RCC2: variants seen among roughly 807,000 people sequenced by gnomAD.
RCC2 encodes protein RCC2.
RCC2 carries 19 observed loss-of-function variants against 64.1 expected under a neutral mutation model. The observed-to-expected ratio is 0.30, with a 90% CI of 0.21 to 0.44. The LOEUF is 0.44. RCC2 is among the 20% of genes least tolerant of loss of function. The probability of loss-of-function intolerance (pLI) is 1.00; values close to 1 mark genes in which losing one functional copy is unlikely to be tolerated. For missense variants in RCC2, 508 were observed against 710.4 expected, an observed-to-expected ratio of 0.72 and a Z score of 3.24; for synonymous variants, 325 against 279.6, an observed-to-expected ratio of 1.16 and a Z score of -1.62.
chr1:17,411,289 C>T (rs1036018100), intron 11 of RCC2, among the ~76,000 whole-genome samples: 11 of 152,238 alleles, frequency 7.2e-5, no homozygotes, highest in South Asian at 2.1e-4. Context: ...CTCAAAGACC[C>T]GCCTTGGCCA....
intron 11 of RCC2, among the ~76,000 whole-genome samples, chr1:17,410,798 C>A (rs1354470075): frequency 1.3e-5 from 2 of 152,198 alleles, no homozygotes; most frequent in Non-Finnish European, 1.5e-5. Context: ...GCCAGGCCAA[C>A]TTCTCACCCT....
At chr1:17,432,918 A>G (rs1190381302) in intron 2 of RCC2, among the ~76,000 whole-genome samples, 1 of 152,162 alleles carries the variant, frequency 6.6e-6, no homozygotes, top group Non-Finnish European at 1.5e-5. Flanking sequence ...AGATCGCGCC[A>G]CTGCACTCCA....
Position 17,421,544 on chromosome 1 carries a change from G to A in RCC2, c.744+659C>T, listed in dbSNP as rs981000054. Among the ~76,000 whole-genome samples the A allele has an allele frequency of 2.0e-4, 30 of 151,984 alleles. 1 individual carries two copies. Among genetic ancestry groups the A allele is most frequent in the African/African-American group, 5.6e-4 (23 of 41,374 alleles). ...TCTCGTATTTGTATTCTAAGCATCTGGCTGGTGACTTTATACAAGGTCAAA... is the reference window on the plus strand; with the variant it reads ...TCTCGTATTTGTATTCTAAGCATCTAGCTGGTGACTTTATACAAGGTCAAA... On this transcript the variant is annotated intron_variant, in intron 6 of 12. Coordinates refer to ENST00000375436, the MANE Select transcript of RCC2 (RefSeq NM_018715.4).
chr1:17,409,853 G>GA, intron 12 of RCC2, 121 bp downstream of exon 12: 1 of 847,972 alleles, frequency 1.2e-6, no homozygotes, highest in Non-Finnish European at 2.0e-6. Context: ...GAGACACCAG[G>GA]AAAGCCAGCT....
At position 17,408,109 on chromosome 1, in the gene RCC2, T is replaced by C. The variant is rs2075382979; in HGVS notation, c.*981A>G. The C allele has an allele frequency of 6.6e-6, 1 of 151,902 alleles. No individual in the cohort carries two copies. Among genetic ancestry groups the C allele is most frequent in the Non-Finnish European group, 1.5e-5 (1 of 68,016 alleles). 9.4% of individuals were successfully genotyped at this position (151,902 alleles called of 1,614,324 possible). A position where few individuals can be genotyped will look rare whatever the true frequency, so the allele number is the denominator to read the frequency against. On this transcript the variant is annotated 3_prime_UTR_variant, in exon 13 of 13. Coordinates refer to ENST00000375436, the MANE Select transcript of RCC2 (RefSeq NM_018715.4). Reference sequence around the variant, plus strand: ...TGGGTCAGCAGAACGGTACCCCGAGTCTCAGCAACAGGACGGCCCGCGCGA... The same window carrying C: ...TGGGTCAGCAGAACGGTACCCCGAGCCTCAGCAACAGGACGGCCCGCGCGA...
At chr1:17,439,101 C>A (rs1329489019) in intron 1 of RCC2, among the ~76,000 whole-genome samples, 1 of 152,064 alleles carries the variant, frequency 6.6e-6, no homozygotes, top group Admixed American at 6.5e-5. Flanking sequence ...CTCTAGTTAG[C>A]CGAATCCCTA....
At chr1:17,433,462 G>T (rs2075705027) in intron 2 of RCC2, among the ~76,000 whole-genome samples, 1 of 152,252 alleles carries the variant, frequency 6.6e-6, no homozygotes, top group Non-Finnish European at 1.5e-5. Context: ...GTGGGTGTCT[G>T]AAGCTCAGTG....
chr1:17,431,499 C>CCAAA (rs1491306225), intron 2 of RCC2, among the ~76,000 whole-genome samples: 14 of 57,906 alleles, frequency 2.4e-4, no homozygotes, highest in Admixed American at 1.1e-3. Context: ...AGCCCTGTCT[C>CCAAA]AAAAAAAAAA....
intron 11 of RCC2, 67 bp downstream of exon 11, chr1:17,412,055 A>C (rs1006216004): frequency 6.5e-6 from 9 of 1,386,958 alleles, no homozygotes; most frequent in Non-Finnish European, 9.2e-6. Context: ...AGGTGGAGAG[A>C]ACCCAAAGGC....
intron 7 of RCC2, among the ~76,000 whole-genome samples, chr1:17,417,169 G>A (rs898797969): frequency 6.6e-6 from 1 of 152,166 alleles, no homozygotes; most frequent in Non-Finnish European, 1.5e-5. Context: ...TAAACGTATG[G>A]TTACGGGTGG....
intron 2 of RCC2, among the ~76,000 whole-genome samples, chr1:17,434,672 G>T (rs1021287547): frequency 6.6e-6 from 1 of 152,122 alleles, no homozygotes; most frequent in Non-Finnish European, 1.5e-5. Flanking sequence ...ACAGTCTTGG[G>T]GACTGAGCCC....
chr1:17,425,578 G>A lies in RCC2; in HGVS notation c.486C>T (p.Ser162=). 6 of 1,613,880 alleles carry A rather than the reference G, an allele frequency of 3.7e-6. No homozygotes were observed. Among genetic ancestry groups the A allele is most frequent in the Non-Finnish European group, 5.1e-6 (6 of 1,179,888 alleles). Residue 162 remains serine, a synonymous_variant, in exon 4 of 13, where the codon AGC becomes AGT. Transcript: ENST00000375436. ...TVVSGSCAAH[S]LLITTEGKLW... ...GCTTCCCTTCCGTGGTGATGAGGAG[G>A]CTGTGTGCAGCACACGAGCCCGAGA...
intron 3 of RCC2, among the ~76,000 whole-genome samples, chr1:17,428,292 C>T (rs765057356): frequency 3.9e-5 from 6 of 152,242 alleles, no homozygotes; most frequent in Non-Finnish European, 8.8e-5. Context: ...TGGACGTGGC[C>T]CCCTCTGGCT....
intron 7 of RCC2, among the ~76,000 whole-genome samples, chr1:17,418,759 T>A (rs2100365508): frequency 6.6e-6 from 1 of 152,304 alleles, no homozygotes; most frequent in African/African-American, 2.4e-5. Context: ...CATTTCCGGA[T>A]ATGTCGCTAC....
At chr1:17,425,823 G>A (rs777200209) in intron 3 of RCC2, 139 bp from the exon 4 acceptor site, 2 of 832,630 alleles carry the variant, frequency 2.4e-6, no homozygotes, top group Non-Finnish European at 3.8e-6. Context: ...TTGGCTGTTG[G>A]GAGGCTGCAC....
intron 2 of RCC2, among the ~76,000 whole-genome samples, chr1:17,435,206 C>T (rs76456559): frequency 1.3e-5 from 2 of 152,308 alleles, no homozygotes; most frequent in East Asian, 1.9e-4. Context: ...GCAATGACAA[C>T]GCTCATCTGC....
intron 7 of RCC2, among the ~76,000 whole-genome samples, chr1:17,417,670 A>G (rs1471626746): frequency 2.0e-5 from 3 of 152,092 alleles, no homozygotes; most frequent in African/African-American, 7.2e-5. Context: ...GCGACAGAAC[A>G]AGTTTCTGTC....
chr1:17,412,087 T>TCCA, intron 11 of RCC2, 35 bp downstream of exon 11: 1 of 1,607,632 alleles, frequency 6.2e-7, no homozygotes, highest in Admixed American at 1.7e-5. Context: ...CTGACTGGCT[T>TCCA]CCACTTCCCC....
intron 2 of RCC2, among the ~76,000 whole-genome samples, chr1:17,434,839 G>A (rs7418084): frequency 0.066 from 10,079 of 152,310 alleles, 500 homozygotes; most frequent in Admixed American, 0.17. Flanking sequence ...GAGGCGGGGC[G>A]TGGTGGCTCA....
Sources: allele counts gnomAD v4.1 joint callset (sites outside exome capture counted in the v4.1 genomes callset), GRCh38; gene constraint gnomAD v4.1.1; transcripts MANE v1.5; gene names NCBI Gene and HGNC (gene_info 2026-07-23, HGNC 2026-07-21).